The following CD44 variants were observed in gnomAD, a reference collection of about 807,000 sequenced individuals.
The protein encoded by CD44 is CD44 molecule (IN blood group).
CD44 carries 49 observed loss-of-function variants against 88.8 expected under a neutral mutation model. That is an observed-to-expected ratio of 0.55 (90% CI 0.44 to 0.70). The LOEUF (loss-of-function observed/expected upper bound fraction) is 0.70. Among genes scored for constraint, CD44 ranks in the 30% least tolerant of loss-of-function variants. The probability of loss-of-function intolerance (pLI) is 0.00; values close to 1 mark genes in which losing one functional copy is unlikely to be tolerated. For missense variants in CD44, 883 were observed against 913.8 expected, an observed-to-expected ratio of 0.97 and a Z score of 0.43; for synonymous variants, 325 against 312.3, an observed-to-expected ratio of 1.04 and a Z score of -0.43.
At chr11:35,174,735 A>G (rs2133601821) in intron 1 of CD44, among the ~76,000 whole-genome samples, 1 of 152,376 alleles carries the variant, frequency 6.6e-6, no homozygotes, top group South Asian at 2.1e-4. Context: ...CTGAGAGCAA[A>G]CGACAGGCTT....
At chr11:35,140,099 G>C (rs1046669704) in intron 1 of CD44, among the ~76,000 whole-genome samples, 1 of 152,180 alleles carries the variant, frequency 6.6e-6, no homozygotes, top group African/African-American at 2.4e-5. Context: ...ATCAGTGTGG[G>C]GAAATCTCAA....
Position 35,198,112 on chromosome 11 carries a change from C to G in CD44, c.797-9C>G, listed in dbSNP as rs773617820. 2.5e-6 allele frequency: 4 copies of G among 1,612,556 alleles called. No individual in the cohort carries two copies. Among genetic ancestry groups the G allele is most frequent in the Non-Finnish European group, 3.4e-6 (4 of 1,178,942 alleles). ...CCAGCTCAGCCACTAATGCAAGTCA[C>G]CACAACAGGTACGTCTTCAAATACC... On this transcript the variant is annotated splice_polypyrimidine_tract_variant and intron_variant, in intron 6 of 17. Transcript: ENST00000428726.
At chr11:35,224,894 T>C (rs929443090) in intron 17 of CD44, among the ~76,000 whole-genome samples, 3 of 152,196 alleles carry the variant, frequency 2.0e-5, no homozygotes, top group Non-Finnish European at 2.9e-5. Context: ...CAGCAGGCAG[T>C]CACCCACACT....
intron 3 of CD44, among the ~76,000 whole-genome samples, chr11:35,185,078 A>G (rs1293142531): frequency 2.0e-5 from 3 of 152,212 alleles, no homozygotes; most frequent in African/African-American, 7.2e-5. Flanking sequence ...GCAGAGATTG[A>G]GAGAAGTGCC....
intron 1 of CD44, among the ~76,000 whole-genome samples, chr11:35,151,590 T>C (rs1456354504): frequency 6.6e-6 from 1 of 152,090 alleles, no homozygotes; most frequent in Non-Finnish European, 1.5e-5. Flanking sequence ...GTATGGAGAG[T>C]GCTGTGATCC....
intron 5 of CD44, chr11:35,190,561 C>A: frequency 5.9e-6 from 1 of 169,220 alleles, no homozygotes; most frequent in Non-Finnish European, 1.3e-5. Context: ...TTGGTGATGA[C>A]AATGAGCAGT....
chr11:35,223,372 C>T (rs1949456871), intron 17 of CD44: 11 of 720,082 alleles, frequency 1.5e-5, no homozygotes, highest in Non-Finnish European at 1.9e-5. Context: ...ACCACTTTTG[C>T]TCACATACAC....
intron 1 of CD44, among the ~76,000 whole-genome samples, chr11:35,150,773 CAT>C (rs1860155642): frequency 6.6e-6 from 1 of 152,238 alleles, no homozygotes; most frequent in East Asian, 1.9e-4. Context: ...AGAACCCACT[CAT>C]AGCCAGGAGA....
intron 1 of CD44, among the ~76,000 whole-genome samples, chr11:35,167,867 G>C (rs1031168810): frequency 6.6e-6 from 1 of 152,224 alleles, no homozygotes; most frequent in African/African-American, 2.4e-5. Context: ...TAATTGTAGA[G>C]AGAGCATTCA....
intron 17 of CD44, chr11:35,222,920 A>G (rs1049307528): frequency 7.1e-6 from 7 of 985,398 alleles, no homozygotes; most frequent in Non-Finnish European, 8.4e-6. Context: ...CCTAGAGAGA[A>G]TTATGGACTC....
In CD44 at chr11:35,219,398, A is replaced by T. The variant is rs1238858190; in HGVS notation, c.1945+11A>T. 3 of 1,606,860 alleles carry T rather than the reference A, an allele frequency of 1.9e-6. No individual in the cohort carries two copies. The highest frequency in any genetic ancestry group is 2.6e-6 in the Non-Finnish European group (3 of 1,173,740). ...CACCCCAAATTCCAGGTGAGTTTCA[A>T]ACTTTGAGGCAGAAAAACACACTGA... On this transcript the variant is annotated intron_variant, in intron 16 of 17. Coordinates refer to ENST00000428726, the MANE Select transcript of CD44 (RefSeq NM_000610.4).
chr11:35,198,301 G>A, intron 7 of CD44, 55 bp downstream of exon 7: 3 of 1,535,600 alleles, frequency 2.0e-6, no homozygotes, highest in Non-Finnish European at 1.8e-6. Flanking sequence ...TGATTAATCT[G>A]AGTGATACCA....
chr11:35,176,651 G>A lies in CD44; in HGVS notation c.144G>A (p.Glu48=). Reference sequence around the variant, plus strand: ...GTCGCTACAGCATCTCTCGGACGGAGGCCGCTGACCTCTGCAAGGCTTTCA... The same window carrying A: ...GTCGCTACAGCATCTCTCGGACGGAAGCCGCTGACCTCTGCAAGGCTTTCA... ...KNGRYSISRT[E]AADLCKAFNS... Residue 48 remains glutamate (E), a synonymous_variant, in exon 2 of 18, where the codon GAG becomes GAA. Coordinates refer to ENST00000428726, the MANE Select transcript of CD44 (RefSeq NM_000610.4). 2 of 1,614,218 alleles carry A rather than the reference G, an allele frequency of 1.2e-6. No individual in the cohort carries two copies. The highest frequency in any genetic ancestry group is 2.2e-5 in the East Asian group (1 of 44,892).
intron 1 of CD44, among the ~76,000 whole-genome samples, chr11:35,161,832 G>C (rs935582818): frequency 1.3e-5 from 2 of 152,156 alleles, no homozygotes; most frequent in East Asian, 3.9e-4. Context: ...CTGTGTGCTG[G>C]GGGGGAAGAG....
At chr11:35,222,349 C>A in intron 17 of CD44, 1 of 1,147,046 alleles carries the variant, frequency 8.7e-7, no homozygotes, top group Non-Finnish European at 1.2e-6. Context: ...GTAATGATAT[C>A]ATTTTCTATT....
intron 2 of CD44, chr11:35,177,033 G>T (rs1944534843): frequency 3.0e-6 from 1 of 331,198 alleles, no homozygotes; most frequent in Non-Finnish European, 5.5e-6. Flanking sequence ...TGGCTTTGAA[G>T]AAGCTGCAGT....
Position 35,214,915 on chromosome 11 carries a change from G to T in CD44, c.1873+1G>T. 1.3e-6 allele frequency: 2 copies of T among 1,544,496 alleles called. No homozygotes were observed. Among genetic ancestry groups the T allele is most frequent in the Non-Finnish European group, 1.7e-6 (2 of 1,145,044 alleles). ...ACCACTCATGGATCTGAATCAGATG[G>T]TGAGTTCAAAACTGCTTTAGTCATT... On this transcript the variant is annotated splice_donor_variant, in intron 15 of 17. Coordinates refer to ENST00000428726, the MANE Select transcript of CD44 (RefSeq NM_000610.4). LOFTEE classifies it high-confidence loss of function.
At chr11:35,139,511 C>T (rs1459479538) in intron 1 of CD44, 141 bp downstream of exon 1, 10 of 801,020 alleles carry the variant, frequency 1.2e-5, no homozygotes, top group Non-Finnish European at 2.0e-5. Flanking sequence ...CTCCGGAAAG[C>T]AGGGCTGGGA....
chr11:35,148,953 C>A (rs1351809508), intron 1 of CD44, among the ~76,000 whole-genome samples: 5 of 152,194 alleles, frequency 3.3e-5, no homozygotes, highest in Non-Finnish European at 7.4e-5. Flanking sequence ...CCCGCCTCCT[C>A]CCTTGAAATT....
Sources: gnomAD v4.1 joint callset for allele counts (sites outside exome capture counted in the v4.1 genomes callset) on GRCh38, gnomAD v4.1.1 for gene constraint, MANE v1.5 for transcripts, NCBI Gene and HGNC (gene_info 2026-07-23, HGNC 2026-07-21) for gene names.